The following CHLSN variants were observed in gnomAD, a reference collection of about 807,000 sequenced individuals.
The protein encoded by CHLSN is protein cholesin.
At chr7:1,011,893 C>G in the CHLSN span, among the ~76,000 whole-genome samples, 1 of 152,306 alleles carries the variant, frequency 6.6e-6, no homozygotes, top group East Asian at 1.9e-4. Context: ...AGGCCTGGGC[C>G]GCCCACACAC....
At chr7:1,021,654 T>C in the CHLSN span, 1 of 870,510 alleles carries the variant, frequency 1.1e-6, no homozygotes, top group African/African-American at 1.8e-5. Flanking sequence ...GCCACCGCAG[T>C]GCCCTCTGGG....
At chr7:1,092,413 A>G in the CHLSN span, 15 of 1,607,544 alleles carry the variant, frequency 9.3e-6, no homozygotes, top group Non-Finnish European at 1.1e-5. Context: ...GCCCTTCGCC[A>G]TCATCGGCCT....
the CHLSN span, chr7:1,009,813 A>G: frequency 1.3e-6 from 1 of 748,394 alleles, no homozygotes; most frequent in Non-Finnish European, 2.0e-6. Flanking sequence ...CGGCGGCAGC[A>G]CAGGCCTGGC....
At chr7:1,002,332 T>A in the CHLSN span, among the ~76,000 whole-genome samples, 1 of 104,372 alleles carries the variant, frequency 9.6e-6, no homozygotes, top group Non-Finnish European at 1.9e-5. Context: ...CCTGTGGGTG[T>A]GGAGCCCTGT....
chr7:1,117,584 G>T, the CHLSN span, among the ~76,000 whole-genome samples: 1 of 135,184 alleles, frequency 7.4e-6, no homozygotes, highest in Non-Finnish European at 1.5e-5. Flanking sequence ...CATCACTACA[G>T]CTCTATGGAC....
the CHLSN span, among the ~76,000 whole-genome samples, chr7:1,015,713 A>T: frequency 2.6e-5 from 4 of 152,180 alleles, no homozygotes; most frequent in African/African-American, 9.7e-5. Context: ...AGAGGGACTG[A>T]AGCTGCGGCC....
chr7:1,082,867 G>A, the CHLSN span, among the ~76,000 whole-genome samples: 8 of 152,210 alleles, frequency 5.3e-5, no homozygotes, highest in East Asian at 1.9e-4. Flanking sequence ...GAGAGGATGC[G>A]TCATTTGCAT....
the CHLSN span, among the ~76,000 whole-genome samples, chr7:1,116,826 T>G: frequency 1.7e-5 from 1 of 58,830 alleles, no homozygotes; most frequent in Non-Finnish European, 2.8e-5. Context: ...CCGGCTTCCA[T>G]CACCGACGCC....
the CHLSN span, among the ~76,000 whole-genome samples, chr7:1,091,222 C>T: frequency 6.6e-6 from 1 of 152,194 alleles, no homozygotes; most frequent in African/African-American, 2.4e-5. Context: ...ATGTACTTCC[C>T]ACAGGCGACT....
chr7:1,035,432 G>T, the CHLSN span, among the ~76,000 whole-genome samples: 54 of 152,206 alleles, frequency 3.5e-4, no homozygotes, highest in African/African-American at 1.3e-3. Flanking sequence ...AATTCCATGG[G>T]GACAGAAATC....
At chr7:1,135,450 T>C in the CHLSN span, among the ~76,000 whole-genome samples, 5 of 152,060 alleles carry the variant, frequency 3.3e-5, no homozygotes, top group East Asian at 5.8e-4. Context: ...TTTATACACA[T>C]ATATCTACAT....
At chr7:1,117,038 C>G in the CHLSN span, among the ~76,000 whole-genome samples, 1 of 105,598 alleles carries the variant, frequency 9.5e-6, no homozygotes, top group East Asian at 3.0e-4. Flanking sequence ...GTTCTACGGA[C>G]CGGCTTCCAT....
chr7:1,012,336 T>C, the CHLSN span, among the ~76,000 whole-genome samples: 6 of 152,224 alleles, frequency 3.9e-5, no homozygotes, highest in African/African-American at 9.6e-5. Flanking sequence ...GGGCCAAGGC[T>C]GTGGGCAACA....
the CHLSN span, among the ~76,000 whole-genome samples, chr7:1,122,123 G>A: frequency 6.6e-6 from 1 of 152,202 alleles, no homozygotes; most frequent in African/African-American, 2.4e-5. Flanking sequence ...AGAAACCAGG[G>A]GTGAGTCTCT....
the CHLSN span, among the ~76,000 whole-genome samples, chr7:1,124,533 TGAA>T: frequency 8.2e-6 from 1 of 122,170 alleles, no homozygotes; most frequent in South Asian, 3.0e-4. Context: ...CCTCAGGCTG[TGAA>T]GAAGGAGTGA....
the CHLSN span, among the ~76,000 whole-genome samples, chr7:1,120,638 C>T: frequency 6.6e-6 from 1 of 152,218 alleles, no homozygotes; most frequent in Non-Finnish European, 1.5e-5. Context: ...TAGGATCCAG[C>T]AATTCCGGTC....
At chr7:1,079,035 C>T in the CHLSN span, among the ~76,000 whole-genome samples, 53 of 151,174 alleles carry the variant, frequency 3.5e-4, 2 homozygotes, top group African/African-American at 1.3e-3. Flanking sequence ...GAGGAGGCAG[C>T]GAGGCAGCGG....
At chr7:1,033,216 C>T in the CHLSN span, among the ~76,000 whole-genome samples, 1 of 152,216 alleles carries the variant, frequency 6.6e-6, no homozygotes, top group Admixed American at 6.5e-5. Flanking sequence ...ACACACCATG[C>T]ATGACAAGTG....
chr7:1,122,316 G>C, the CHLSN span, among the ~76,000 whole-genome samples: 8 of 152,242 alleles, frequency 5.3e-5, no homozygotes, highest in African/African-American at 1.9e-4. Context: ...GCTGACAGCA[G>C]TGGACTGAGG....
Sources: gnomAD v4.1 joint callset for allele counts (sites outside exome capture counted in the v4.1 genomes callset) on GRCh38, gnomAD v4.1.1 for gene constraint, MANE v1.5 for transcripts, NCBI Gene and HGNC (gene_info 2026-07-23, HGNC 2026-07-21) for gene names.